EFTUD2: variants seen among roughly 807,000 people sequenced by gnomAD.
EFTUD2 encodes the protein elongation factor Tu GTP binding domain containing 2.
A neutral mutation model predicts 114.3 loss-of-function variants in EFTUD2; 9 were observed. The ratio of observed to expected loss-of-function variants is 0.08; its 90% CI spans 0.05 to 0.14. The LOEUF (loss-of-function observed/expected upper bound fraction) is 0.14. Ranked by LOEUF, EFTUD2 falls within the 10% of genes least tolerant of loss-of-function variation. EFTUD2 has a pLI of 1.00. For synonymous variants in EFTUD2, 449 were observed against 462.3 expected, an observed-to-expected ratio of 0.97 and a Z score of 0.37; for missense variants, 765 against 1,241.2, an observed-to-expected ratio of 0.62 and a Z score of 5.76.
chr17:44,875,808 C>T, intron 10 of EFTUD2, 126 bp downstream of exon 10: 2 of 1,163,436 alleles, frequency 1.7e-6, no homozygotes, highest in Non-Finnish European at 2.5e-6. Flanking sequence ...CAGGATGTGC[C>T]TCTAGTTTTG....
At chr17:44,877,507 CAT>C (rs1305541435) in intron 9 of EFTUD2, among the ~76,000 whole-genome samples, 1 of 152,092 alleles carries the variant, frequency 6.6e-6, no homozygotes, top group Non-Finnish European at 1.5e-5. Flanking sequence ...TTCTTTACAA[CAT>C]AATTCCAACC....
chr17:44,856,195 G>A (rs1361769947), intron 20 of EFTUD2, among the ~76,000 whole-genome samples: 1 of 150,736 alleles, frequency 6.6e-6, no homozygotes, highest in Non-Finnish European at 1.5e-5. Flanking sequence ...AAGGGCAAAG[G>A]GCTCATCTTT....
intron 25 of EFTUD2, 140 bp downstream of exon 25, chr17:44,853,153 ACTT>A (rs901667214): frequency 6.0e-6 from 5 of 837,938 alleles, no homozygotes; most frequent in Non-Finnish European, 9.4e-6. Context: ...CTCCGCTCCT[ACTT>A]CTTTCTGGAA....
chr17:44,866,147 A>C (rs1361002076), intron 13 of EFTUD2, among the ~76,000 whole-genome samples: 3 of 152,248 alleles, frequency 2.0e-5, no homozygotes, highest in African/African-American at 7.2e-5. Flanking sequence ...CCACATGCTT[A>C]ATTAAATCCT....
At chr17:44,860,157 A>G in intron 17 of EFTUD2, 112 bp from the exon 18 acceptor site, 3 of 1,480,636 alleles carry the variant, frequency 2.0e-6, no homozygotes, top group East Asian at 2.3e-5. Flanking sequence ...GTATTCCCCA[A>G]CCAGGAGCCT....
chr17:44,860,002 A>T lies in EFTUD2; in HGVS notation c.1763T>A (p.Ile588Asn). 6.2e-7 allele frequency: 1 copy of T among 1,614,196 alleles called. No homozygotes were observed. The highest frequency in any genetic ancestry group is 1.1e-5 in the South Asian group (1 of 91,082). Residue 588 changes from isoleucine to asparagine, a missense_variant, in exon 18 of 28, where the codon ATC becomes AAC. Physicochemically the swap from Ile to Asn is moderately radical, Grantham distance 149. Around this residue, in one of 6 missense-constraint regions of EFTUD2, gnomAD observed 149 missense variants for 245.1 expected, o/e 0.61. Coordinates refer to ENST00000426333, the MANE Select transcript of EFTUD2 (RefSeq NM_004247.4). The stretch of plus-strand genomic sequence containing the variant: ...GTTGACTGGCTCCACAGCAATCTTG[A>T]TAACAGATGTGGTATTGAACTTCAA... ...RPLKFNTTSV[I>N]KIAVEPVNPS... is the part of the protein sequence containing the mutation.
chr17:44,851,548 C>T (rs372064255), intron 27 of EFTUD2, among the ~76,000 whole-genome samples, 162 bp downstream of exon 27: 1 of 152,120 alleles, frequency 6.6e-6, no homozygotes, highest in Non-Finnish European at 1.5e-5. Context: ...CCTTTCCCAA[C>T]GAGACTGGGG....
Position 44,868,173 on chromosome 17 carries a change from T to TA in EFTUD2, c.1058+113dup, listed in dbSNP as rs879181467. 170,592 of 806,262 alleles carry TA rather than the reference T, an allele frequency of 0.21. 4,107 individuals are homozygous for TA. Among genetic ancestry groups the TA allele is most frequent in the Middle Eastern group, 0.28 (769 of 2,764 alleles). The allele number at this position is 806,262 out of a possible 1,614,324, so 49.9% of individuals were successfully genotyped here. On this transcript the variant is annotated intron_variant, in intron 12 of 27. Coordinates refer to ENST00000426333, the MANE Select transcript of EFTUD2 (RefSeq NM_004247.4). ...GGGGAGGAAAGACGGTAGTTTACAT[T>TA]AAAAAAAAAAAAAAAAGTAGGTATT...
At position 44,894,539 on chromosome 17, in the gene EFTUD2, A is replaced by T. The variant is rs1226630574; in HGVS notation, c.-4-14T>A. On this transcript the variant is annotated splice_polypyrimidine_tract_variant and intron_variant, in intron 1 of 27. Coordinates refer to ENST00000426333, the MANE Select transcript of EFTUD2 (RefSeq NM_004247.4). The stretch of plus-strand genomic sequence containing the variant: ...GTATCCATGATGCTAAAATTCAAGG[A>T]GAGAAGAGTTAGATTCTGACAAGGT... The T allele has an allele frequency of 6.3e-7, 1 of 1,595,284 alleles. No homozygotes were observed. The highest frequency in any genetic ancestry group is 1.7e-5 in the Admixed American group (1 of 59,980).
At chr17:44,852,633 T>C in intron 25 of EFTUD2, 71 bp from the exon 26 acceptor site, 2 of 1,565,452 alleles carry the variant, frequency 1.3e-6, no homozygotes, top group Non-Finnish European at 1.7e-6. Context: ...ATCCAGCATT[T>C]GCTGTCCCCC....
At chr17:44,857,270 C>T in intron 19 of EFTUD2, 113 bp from the exon 20 acceptor site, 1 of 818,834 alleles carries the variant, frequency 1.2e-6, no homozygotes, top group South Asian at 1.4e-5. Context: ...AAAACCCCAA[C>T]TGCCTTAATC....
chr17:44,861,573 A>G (rs1409405139), intron 16 of EFTUD2, among the ~76,000 whole-genome samples: 1 of 152,052 alleles, frequency 6.6e-6, no homozygotes, highest in African/African-American at 2.4e-5. Flanking sequence ...TCTACTAAAA[A>G]TACAAAAAAA....
At chr17:44,881,834 AAGAGAG>A in intron 6 of EFTUD2, 112 bp from the exon 7 acceptor site, 1 of 981,426 alleles carries the variant, frequency 1.0e-6, no homozygotes, top group East Asian at 2.5e-5. Context: ...TTTGAGATTA[AAGAGAG>A]AGAGAGAGCA....
intron 16 of EFTUD2, 125 bp downstream of exon 16, chr17:44,862,588 C>T: frequency 1.1e-6 from 1 of 885,294 alleles, no homozygotes; most frequent in African/African-American, 1.7e-5. Context: ...GGAGGGAGAG[C>T]CACTTTATCC....
At chr17:44,853,678 C>T (rs769364685) in intron 23 of EFTUD2, 43 bp from the exon 24 acceptor site, 10 of 1,608,714 alleles carry the variant, frequency 6.2e-6, no homozygotes, top group African/African-American at 5.3e-5. Flanking sequence ...AGGTTCTGGG[C>T]CTGTCATGGG....
At chr17:44,851,643 G>C in intron 27 of EFTUD2, 67 bp downstream of exon 27, 1 of 1,426,194 alleles carries the variant, frequency 7.0e-7, no homozygotes, top group Non-Finnish European at 9.4e-7. Flanking sequence ...AAAAGAAAGA[G>C]AGAGAGATCC....
At chr17:44,855,855 G>A (rs1218748500) in intron 20 of EFTUD2, among the ~76,000 whole-genome samples, 1 of 151,808 alleles carries the variant, frequency 6.6e-6, no homozygotes, top group Non-Finnish European at 1.5e-5. Flanking sequence ...GGGAGGCTGA[G>A]GCAGGGGAAT....
At chr17:44,889,626 G>GT (rs1479408837) in intron 2 of EFTUD2, among the ~76,000 whole-genome samples, 2 of 152,326 alleles carry the variant, frequency 1.3e-5, no homozygotes, top group Non-Finnish European at 2.9e-5. Flanking sequence ...ATGTAGGCAG[G>GT]TGGGTAGAGG....
intron 11 of EFTUD2, among the ~76,000 whole-genome samples, chr17:44,870,263 A>G (rs2050822437): frequency 6.6e-6 from 1 of 152,250 alleles, no homozygotes; most frequent in African/African-American, 2.4e-5. Context: ...TCTCTGCATT[A>G]TAATTACAAA....
Sources: gnomAD v4.1 joint callset for allele counts (sites outside exome capture counted in the v4.1 genomes callset) on GRCh38, gnomAD v4.1.1 for gene constraint, gnomAD v4.1.1 regional missense constraint, MANE v1.5 for transcripts, NCBI Gene and HGNC (gene_info 2026-07-23, HGNC 2026-07-21) for gene names.